NRG3: variants seen among roughly 807,000 people sequenced by gnomAD.
NRG3 encodes the protein neuregulin 3.
In NRG3, 31 loss-of-function variants were observed where a neutral mutation model predicts 66.9. The observed-to-expected ratio is 0.46, with a 90% CI of 0.35 to 0.63. The LOEUF is 0.63. NRG3 is among the 20% of genes least tolerant of loss of function. The probability of loss-of-function intolerance (pLI) is 0.00; values close to 1 mark genes in which losing one functional copy is unlikely to be tolerated. For missense variants in NRG3, 910 were observed against 878.9 expected, an observed-to-expected ratio of 1.04 and a Z score of -0.45; for synonymous variants, 393 against 359.4, an observed-to-expected ratio of 1.09 and a Z score of -1.06.
intron 2 of NRG3, among the ~76,000 whole-genome samples, chr10:82,588,904 C>T (rs931962217): frequency 3.3e-5 from 5 of 152,192 alleles, no homozygotes; most frequent in Non-Finnish European, 5.9e-5. Context: ...GAACCATTCC[C>T]GCAGAGTTGG....
chr10:82,792,246 A>G (rs535350823), intron 3 of NRG3, among the ~76,000 whole-genome samples: 2 of 152,224 alleles, frequency 1.3e-5, no homozygotes, highest in East Asian at 3.9e-4. Context: ...GGAAGTAATT[A>G]GATGTTTGGA....
intron 1 of NRG3, among the ~76,000 whole-genome samples, chr10:81,998,824 T>C (rs767484331): frequency 1.3e-5 from 2 of 152,182 alleles, no homozygotes; most frequent in Non-Finnish European, 2.9e-5. Context: ...TTAAAAAACA[T>C]AGCATGAAAA....
At chr10:82,008,180 T>G (rs1257171577) in intron 1 of NRG3, among the ~76,000 whole-genome samples, 1 of 152,164 alleles carries the variant, frequency 6.6e-6, no homozygotes, top group Non-Finnish European at 1.5e-5. Flanking sequence ...TACAATCCGA[T>G]GGTTACTCTG....
At chr10:82,595,903 G>A (rs1374629799) in intron 2 of NRG3, among the ~76,000 whole-genome samples, 1 of 152,166 alleles carries the variant, frequency 6.6e-6, no homozygotes, top group Non-Finnish European at 1.5e-5. Flanking sequence ...ACTAGGGACA[G>A]TTTTTGTTCC....
intron 2 of NRG3, among the ~76,000 whole-genome samples, chr10:82,685,217 G>A (rs929158592): frequency 6.6e-6 from 1 of 152,036 alleles, no homozygotes; most frequent in South Asian, 2.1e-4. Flanking sequence ...CTGCTCAATG[G>A]CTCATGCAAT....
intron 4 of NRG3, among the ~76,000 whole-genome samples, chr10:82,935,665 G>C (rs940674321): frequency 6.6e-6 from 1 of 151,910 alleles, no homozygotes; most frequent in Non-Finnish European, 1.5e-5. Flanking sequence ...CACCCAGGCT[G>C]GAGTGCAGAG....
At chr10:82,851,105 C>T (rs1464721360) in intron 3 of NRG3, among the ~76,000 whole-genome samples, 1 of 152,084 alleles carries the variant, frequency 6.6e-6, no homozygotes, top group African/African-American at 2.4e-5. Context: ...GAGTGACTGC[C>T]TTGATTAAGC....
At chr10:82,244,880 C>T (rs1287790548) in intron 1 of NRG3, among the ~76,000 whole-genome samples, 1 of 151,884 alleles carries the variant, frequency 6.6e-6, no homozygotes, top group Non-Finnish European at 1.5e-5. Flanking sequence ...ACTACAGATG[C>T]CCACCACCAT....
intron 1 of NRG3, among the ~76,000 whole-genome samples, chr10:82,200,548 T>G (rs937834077): frequency 4.6e-5 from 7 of 152,138 alleles, no homozygotes; most frequent in African/African-American, 9.7e-5. Context: ...AGGAGGAGAT[T>G]GGTGGCATCG....
At position 82,676,836 on chromosome 10, in the gene NRG3, GT is replaced by G. The variant is rs960155913; in HGVS notation, c.954-61732del. On this transcript the variant is annotated intron_variant, in intron 2 of 8. Transcript: ENST00000372141. Reference sequence around the variant, plus strand: ...TGAATTTTGATTTTTTTCTTTGAACGTTTTTTTTTCTATTGTAGTTTGGAGT... The same window carrying G: ...TGAATTTTGATTTTTTTCTTTGAACGTTTTTTTTCTATTGTAGTTTGGAGT... 3.6e-3 allele frequency among the ~76,000 whole-genome samples: 544 copies of G among 149,990 alleles called. 7 individuals carry two copies. Among genetic ancestry groups the G allele is most frequent in the African/African-American group, 0.013 (521 of 40,832 alleles).
chr10:82,679,106 A>T (rs2053927905), intron 2 of NRG3, among the ~76,000 whole-genome samples: 1 of 152,178 alleles, frequency 6.6e-6, no homozygotes, highest in South Asian at 2.1e-4. Flanking sequence ...TTATAATTTG[A>T]AGGAGAACTG....
chr10:81,882,697 C>G (rs1842289512), intron 1 of NRG3, among the ~76,000 whole-genome samples: 1 of 152,146 alleles, frequency 6.6e-6, no homozygotes. Context: ...GCACATCAGA[C>G]TATTGAATTC....
rs1317577312 is a variant in NRG3 at position 82,762,118 on chromosome 10, A to G, written c.1027+23468A>G. The stretch of plus-strand genomic sequence containing the variant: ...GCCTAGGTGGGAGTGCAGTGGTGCA[A>G]TCACAGCTCACTGCAGCCTCCGCCT... On this transcript the variant is annotated intron_variant, in intron 3 of 8. Coordinates refer to ENST00000372141, the MANE Select transcript of NRG3 (RefSeq NM_001010848.4). 3.4e-5 allele frequency among the ~76,000 whole-genome samples: 5 copies of G among 149,170 alleles called. No homozygotes were observed. In the East Asian group the frequency reaches 9.9e-4, roughly 29 times the overall value.
intron 2 of NRG3, among the ~76,000 whole-genome samples, chr10:82,718,833 G>T (rs2057126462): frequency 6.6e-6 from 1 of 152,092 alleles, no homozygotes; most frequent in Admixed American, 6.5e-5. Flanking sequence ...TTATAAAATT[G>T]ACTAATGATG....
chr10:82,529,313 A>C (rs1847032397), intron 2 of NRG3, among the ~76,000 whole-genome samples: 2 of 152,188 alleles, frequency 1.3e-5, no homozygotes, highest in African/African-American at 4.8e-5. Flanking sequence ...CCTGTGCTAA[A>C]CCTGCCTGGT....
chr10:82,098,348 G>T (rs2066507158), intron 1 of NRG3, among the ~76,000 whole-genome samples: 1 of 150,892 alleles, frequency 6.6e-6, no homozygotes, highest in South Asian at 2.1e-4. Context: ...ATATATAGAT[G>T]ACATCTATAT....
At chr10:82,168,130 AAT>A (rs982237974) in intron 1 of NRG3, among the ~76,000 whole-genome samples, 50 of 152,272 alleles carry the variant, frequency 3.3e-4, no homozygotes, top group African/African-American at 1.2e-3. Flanking sequence ...TATGACTTTG[AAT>A]ATTTTCTCTT....
intron 2 of NRG3, among the ~76,000 whole-genome samples, chr10:82,664,865 C>G (rs1248429575): frequency 1.3e-5 from 2 of 151,832 alleles, no homozygotes; most frequent in African/African-American, 4.8e-5. Context: ...GAATCACAGC[C>G]TCGAGTTGAA....
intron 3 of NRG3, among the ~76,000 whole-genome samples, chr10:82,802,851 T>G (rs2061105151): frequency 6.6e-6 from 1 of 152,004 alleles, no homozygotes; most frequent in South Asian, 2.1e-4. Flanking sequence ...TGTTTTGTTT[T>G]TATGGTAGGG....
Sources: allele counts gnomAD v4.1 joint callset (sites outside exome capture counted in the v4.1 genomes callset), GRCh38; gene constraint gnomAD v4.1.1; transcripts MANE v1.5; gene names NCBI Gene and HGNC (gene_info 2026-07-23, HGNC 2026-07-21).